The following ADGRB3 variants were observed in gnomAD, a reference collection of about 807,000 sequenced individuals.
The protein encoded by ADGRB3 is adhesion G protein-coupled receptor B3.
In ADGRB3, 37 loss-of-function variants were observed where a neutral mutation model predicts 193.4. The observed-to-expected ratio is 0.19, with a 90% CI of 0.15 to 0.25. The LOEUF is 0.25. ADGRB3 is among the 10% of genes least tolerant of loss of function. The pLI is 1.00. For synonymous variants in ADGRB3, 690 were observed against 644.2 expected (o/e 1.07, Z -1.08); for missense variants, 1,637 against 1,852.9 (o/e 0.88, Z 2.14).
chr6:68,961,943 T>C (rs1768244582), intron 8 of ADGRB3, among the ~76,000 whole-genome samples: 1 of 152,214 alleles, frequency 6.6e-6, no homozygotes, highest in Non-Finnish European at 1.5e-5. Flanking sequence ...TAAGGAATTA[T>C]GTTATTACCT....
intron 17 of ADGRB3, among the ~76,000 whole-genome samples, chr6:69,207,828 TG>T (rs924547340): frequency 6.6e-6 from 1 of 152,138 alleles, no homozygotes; most frequent in Admixed American, 6.5e-5. Context: ...CAATGTTGTG[TG>T]GTATACCATG....
At chr6:68,786,316 G>A (rs1440846547) in intron 3 of ADGRB3, among the ~76,000 whole-genome samples, 2 of 152,006 alleles carry the variant, frequency 1.3e-5, no homozygotes, top group Non-Finnish European at 1.5e-5. Flanking sequence ...AATCCATCTT[G>A]AATTAATTTT....
intron 3 of ADGRB3, among the ~76,000 whole-genome samples, chr6:68,893,477 C>A (rs912239625): frequency 2.7e-5 from 4 of 149,010 alleles, no homozygotes; most frequent in African/African-American, 7.4e-5. Context: ...AATGAGGGTA[C>A]ATACCTACTG....
intron 15 of ADGRB3, among the ~76,000 whole-genome samples, chr6:69,058,830 C>T (rs933652761): frequency 1.3e-5 from 2 of 151,986 alleles, no homozygotes; most frequent in Non-Finnish European, 2.9e-5. Flanking sequence ...TTTCACTCTT[C>T]TTCAATTTGT....
At chr6:68,698,137 A>C (rs1218333367) in intron 3 of ADGRB3, among the ~76,000 whole-genome samples, 1 of 151,880 alleles carries the variant, frequency 6.6e-6, no homozygotes, top group African/African-American at 2.4e-5. Context: ...ATATATTATA[A>C]ATATTACCAC....
chr6:68,768,502 A>T (rs145379629), intron 3 of ADGRB3, among the ~76,000 whole-genome samples: 4,232 of 152,272 alleles, frequency 0.028, 88 homozygotes, highest in Non-Finnish European at 0.039. Flanking sequence ...AGAAAACTGA[A>T]ACTGGACCCC....
In ADGRB3 at chr6:69,229,207, T is replaced by A. The variant is rs140214043; in HGVS notation, c.2481-4083T>A. Among the ~76,000 whole-genome samples the A allele has an allele frequency of 1.4e-4, 21 of 152,226 alleles. No homozygotes were observed. In the East Asian group the frequency reaches 2.7e-3, roughly 20 times the overall value. On this transcript the variant is annotated intron_variant, in intron 17 of 31. Transcript: ENST00000370598. ...TAAAGTAGAAATTAACGTCGAAGAG[T>A]GTTCTTGCTCAAAATTGAGAACATT... is the stretch of plus-strand genomic sequence containing the variant.
At chr6:69,195,194 T>G (rs1268319713) in intron 17 of ADGRB3, among the ~76,000 whole-genome samples, 1 of 152,060 alleles carries the variant, frequency 6.6e-6, no homozygotes, top group East Asian at 1.9e-4. Flanking sequence ...ATGGAAATAT[T>G]TCAAAATTGT....
At chr6:68,650,900 T>A (rs1394220317) in intron 3 of ADGRB3, among the ~76,000 whole-genome samples, 1 of 152,200 alleles carries the variant, frequency 6.6e-6, no homozygotes, top group African/African-American at 2.4e-5. Flanking sequence ...AACAGCTTTA[T>A]GATTTTTTTT....
chr6:68,941,532 C>G (rs1932613), intron 5 of ADGRB3, among the ~76,000 whole-genome samples: 1 of 151,646 alleles, frequency 6.6e-6, no homozygotes, highest in African/African-American at 2.4e-5. Flanking sequence ...TAGCATCTTC[C>G]TTTTTTTCTG....
At chr6:68,673,159 T>A (rs1441053881) in intron 3 of ADGRB3, among the ~76,000 whole-genome samples, 1 of 151,884 alleles carries the variant, frequency 6.6e-6, no homozygotes, top group Admixed American at 6.6e-5. Context: ...CCTTCAAGGG[T>A]TCGAATGGGT....
intron 3 of ADGRB3, among the ~76,000 whole-genome samples, chr6:68,849,425 G>T (rs1230322349): frequency 6.6e-6 from 1 of 151,802 alleles, no homozygotes; most frequent in Non-Finnish European, 1.5e-5. Context: ...TAAAATGCAT[G>T]CACATAAGTG....
intron 17 of ADGRB3, among the ~76,000 whole-genome samples, chr6:69,079,356 C>A (rs1467569156): frequency 6.6e-6 from 1 of 152,016 alleles, no homozygotes; most frequent in African/African-American, 2.4e-5. Context: ...GCAGAAAAGA[C>A]CTTCGATAAA....
intron 3 of ADGRB3, among the ~76,000 whole-genome samples, chr6:68,870,186 G>T (rs9346257): frequency 0.12 from 17,932 of 152,058 alleles, 1,977 homozygotes; most frequent in East Asian, 0.57. Flanking sequence ...GCATTATTTC[G>T]CATGAAGACT....
intron 30 of ADGRB3, among the ~76,000 whole-genome samples, chr6:69,378,055 T>A (rs887280609): frequency 6.6e-6 from 1 of 152,078 alleles, no homozygotes; most frequent in Non-Finnish European, 1.5e-5. Context: ...ATTTAAGGTA[T>A]TCAGTATACA....
intron 17 of ADGRB3, among the ~76,000 whole-genome samples, chr6:69,091,399 T>C (rs942690298): frequency 3.3e-5 from 5 of 152,154 alleles, no homozygotes; most frequent in Non-Finnish European, 7.3e-5. Flanking sequence ...AAAGTGCCCA[T>C]CAGTGATAGA....
intron 17 of ADGRB3, among the ~76,000 whole-genome samples, chr6:69,129,372 A>T (rs950810425): frequency 2.6e-5 from 4 of 152,198 alleles, no homozygotes; most frequent in African/African-American, 9.6e-5. Flanking sequence ...AGACAGAATA[A>T]GGAAGTTAGA....
intron 20 of ADGRB3, among the ~76,000 whole-genome samples, chr6:69,265,368 C>A (rs954997032): frequency 1.3e-5 from 2 of 151,784 alleles, no homozygotes; most frequent in Non-Finnish European, 2.9e-5. Context: ...ACCATCCCAC[C>A]CCTAGCCCCC....
At chr6:69,004,414 TTC>T (rs1769680274) in intron 11 of ADGRB3, among the ~76,000 whole-genome samples, 1 of 152,118 alleles carries the variant, frequency 6.6e-6, no homozygotes, top group African/African-American at 2.4e-5. Flanking sequence ...TTTTTTTTTT[TTC>T]TTTATCTTTT....
Sources: gnomAD v4.1 joint callset for allele counts (sites outside exome capture counted in the v4.1 genomes callset) on GRCh38, gnomAD v4.1.1 for gene constraint, MANE v1.5 for transcripts, NCBI Gene and HGNC (gene_info 2026-07-23, HGNC 2026-07-21) for gene names.